Variants in CDH11 observed in about 807,000 individuals in gnomAD.
The protein encoded by CDH11 is cadherin 11.
In CDH11, 11 loss-of-function variants were observed where a neutral mutation model predicts 67.8. The observed-to-expected ratio is 0.16, with a 90% confidence interval of 0.10 to 0.27. CDH11 has a LOEUF of 0.27. CDH11 is among the 10% of genes least tolerant of loss of function. The probability of loss-of-function intolerance (pLI) is 1.00; values close to 1 mark genes in which losing one functional copy is unlikely to be tolerated. For missense variants in CDH11, 847 were observed against 1,031.2 expected (o/e 0.82, Z 2.45); for synonymous variants, 419 against 400.0 (o/e 1.05, Z -0.57).
chr16:65,011,097 T>TATATA (rs1555518844), intron 2 of CDH11, among the ~76,000 whole-genome samples: 22 of 114,852 alleles, frequency 1.9e-4, no homozygotes, highest in South Asian at 2.7e-4. Flanking sequence ...CACATATTTT[T>TATATA]TATATATATA....
At chr16:64,963,147 T>TTAG (rs2071718490) in intron 11 of CDH11, among the ~76,000 whole-genome samples, 2 of 152,212 alleles carry the variant, frequency 1.3e-5, no homozygotes, top group Admixed American at 6.5e-5. Flanking sequence ...ATGTTGGAAT[T>TTAG]ATCCAGCTGG....
At chr16:65,044,793 A>T (rs1273832338) in intron 2 of CDH11, among the ~76,000 whole-genome samples, 2 of 152,174 alleles carry the variant, frequency 1.3e-5, no homozygotes, top group Non-Finnish European at 2.9e-5. Context: ...CTTAGAATCC[A>T]GGCAAAGGAC....
Position 64,947,650 on chromosome 16 carries a change from G to A in CDH11, c.2344C>T (p.Leu782=), listed in dbSNP as rs776618431. ...LQNWGPRFKK[L]ADLYGSKDTF... ...TCTTTGGAACCATACAAATCTGCTA[G>A]TTTCTTAAAACGAGGTCCCCAGTTC... Residue 782 remains leucine (L), a synonymous_variant, in exon 13 of 13, where the codon CTA becomes TTA. Coordinates refer to ENST00000268603, the MANE Select transcript of CDH11 (RefSeq NM_001797.4). 3.1e-6 allele frequency: 5 copies of A among 1,613,932 alleles called. No homozygotes were observed. Among genetic ancestry groups the A allele is most frequent in the South Asian group, 1.1e-5 (1 of 91,076 alleles).
chr16:65,018,574 G>A (rs2073361317), intron 2 of CDH11, among the ~76,000 whole-genome samples: 1 of 152,118 alleles, frequency 6.6e-6, no homozygotes, highest in Non-Finnish European at 1.5e-5. Flanking sequence ...TCAATTGCTA[G>A]AAGCTGTAAA....
In CDH11 at chr16:64,988,266, A is replaced by G. The variant is rs1249768318; in HGVS notation, c.890T>C (p.Ile297Thr). 4 of 1,613,554 alleles carry G rather than the reference A, an allele frequency of 2.5e-6. No individual in the cohort carries two copies. Among genetic ancestry groups the G allele is most frequent in the Non-Finnish European group, 3.4e-6 (4 of 1,179,752 alleles). Residue 297 changes from isoleucine to threonine, a missense_variant, in exon 7 of 13, where the codon ATT (isoleucine) becomes ACT (threonine). Around this residue, in one of 2 missense-constraint regions of CDH11, gnomAD observed 612 missense variants for 678.7 expected, o/e 0.90. Transcript: ENST00000268603. ...VGRVKAKDPD[I>T]GENGLVTYNI... ...GTATGTGACTAAGCCATTTTCTCCA[A>G]TGTCTGGATCTTTAGCTTTCACTCT...
In CDH11 at chr16:64,945,243, T is replaced by C. The variant is rs945867454; in HGVS notation, c.*2360A>G. The C allele has an allele frequency of 3.5e-6, 1 of 283,346 alleles. No homozygotes were observed. The highest frequency in any genetic ancestry group is 5.8e-6 in the Non-Finnish European group (1 of 173,240). The allele number at this position is 283,346 out of a possible 1,614,324, so 17.6% of individuals were successfully genotyped here. On this transcript the variant is annotated 3_prime_UTR_variant, in exon 13 of 13. Coordinates refer to ENST00000268603, the MANE Select transcript of CDH11 (RefSeq NM_001797.4). ...TCCACTAGTTGGGAAAGACATTTTATTTCCAAGTTTCTAAGAGTGTTCTAC... is the reference window on the plus strand; with the variant it reads ...TCCACTAGTTGGGAAAGACATTTTACTTCCAAGTTTCTAAGAGTGTTCTAC...
intron 2 of CDH11, among the ~76,000 whole-genome samples, chr16:65,007,885 T>C (rs1392662633): frequency 6.6e-6 from 1 of 152,206 alleles, no homozygotes; most frequent in African/African-American, 2.4e-5. Context: ...AATTTTAATA[T>C]ATGATTTGAA....
At chr16:65,067,121 C>G (rs2074325314) in intron 1 of CDH11, among the ~76,000 whole-genome samples, 1 of 151,802 alleles carries the variant, frequency 6.6e-6, no homozygotes, top group Non-Finnish European at 1.5e-5. Context: ...TCTACTTTAT[C>G]CATTCTATAT....
intron 1 of CDH11, among the ~76,000 whole-genome samples, chr16:65,114,757 C>G (rs1030384492): frequency 6.6e-6 from 1 of 152,114 alleles, no homozygotes; most frequent in African/African-American, 2.4e-5. Flanking sequence ...GAAAGCCCAG[C>G]CTGGCTGTGA....
At chr16:64,999,217 A>G (rs2072852202) in intron 3 of CDH11, among the ~76,000 whole-genome samples, 1 of 152,234 alleles carries the variant, frequency 6.6e-6, no homozygotes, top group Non-Finnish European at 1.5e-5. Context: ...GCAAACATTC[A>G]TGCAATAAGT....
chr16:65,038,729 GAAAACACCTTGGACACTTGGGAAAC>G (rs1195898558), intron 2 of CDH11, among the ~76,000 whole-genome samples: 2 of 152,152 alleles, frequency 1.3e-5, no homozygotes, highest in Non-Finnish European at 2.9e-5. Context: ...AAGGCACAGA[GAAAACACCTTGGACACTTGGGAAAC>G]AAAACACCTT....
intron 1 of CDH11, among the ~76,000 whole-genome samples, chr16:65,107,479 A>C (rs1459447709): frequency 6.6e-6 from 1 of 151,952 alleles, no homozygotes. Flanking sequence ...TCACAGGAGT[A>C]CTCTCCCTGT....
intron 1 of CDH11, among the ~76,000 whole-genome samples, chr16:65,064,989 C>T (rs577477653): frequency 2.3e-4 from 35 of 152,248 alleles, no homozygotes; most frequent in African/African-American, 5.3e-4. Flanking sequence ...GCATCTAAAC[C>T]GCCCCAGACC....
chr16:65,020,876 C>CAA (rs2073409629), intron 2 of CDH11, among the ~76,000 whole-genome samples: 1 of 151,974 alleles, frequency 6.6e-6, no homozygotes, highest in African/African-American at 2.4e-5. Flanking sequence ...CTACTGGCTT[C>CAA]AAGATGGAAC....
chr16:64,993,482 A>G (rs1219851977), intron 4 of CDH11, among the ~76,000 whole-genome samples: 1 of 152,172 alleles, frequency 6.6e-6, no homozygotes, highest in Non-Finnish European at 1.5e-5. Context: ...CAGAACAATA[A>G]ATACATCATT....
At chr16:65,011,991 T>C (rs1331811226) in intron 2 of CDH11, among the ~76,000 whole-genome samples, 5 of 152,200 alleles carry the variant, frequency 3.3e-5, no homozygotes, top group African/African-American at 9.6e-5. Flanking sequence ...AACTTTTCAA[T>C]GGCTCTAGGC....
intron 11 of CDH11, among the ~76,000 whole-genome samples, chr16:64,958,272 A>G (rs967538660): frequency 6.6e-6 from 1 of 152,240 alleles, no homozygotes; most frequent in African/African-American, 2.4e-5. Flanking sequence ...CCACACAGTC[A>G]GAGTTTACTG....
chr16:65,005,128 G>A, intron 2 of CDH11, 87 bp from the exon 3 acceptor site: 1 of 1,205,488 alleles, frequency 8.3e-7, no homozygotes, highest in Non-Finnish European at 1.1e-6. Context: ...GACTGGGCAT[G>A]AGTTTATCAC....
chr16:65,041,539 C>T (rs2073868166), intron 2 of CDH11, among the ~76,000 whole-genome samples: 1 of 152,186 alleles, frequency 6.6e-6, no homozygotes, highest in African/African-American at 2.4e-5. Context: ...AACATCCGCA[C>T]ATAATTGAAA....
Sources: allele counts gnomAD v4.1 joint callset (sites outside exome capture counted in the v4.1 genomes callset), GRCh38; gene constraint gnomAD v4.1.1; regional missense constraint gnomAD v4.1.1; transcripts MANE v1.5; gene names NCBI Gene and HGNC (gene_info 2026-07-23, HGNC 2026-07-21).